MGAM2: variants seen among roughly 807,000 people sequenced by gnomAD.
MGAM2 encodes probable maltase-glucoamylase 2.
A neutral mutation model predicts 96.1 loss-of-function variants in MGAM2; 98 were observed. That is an observed-to-expected ratio of 1.02 (90% CI 0.87 to 1.21). The LOEUF (loss-of-function observed/expected upper bound fraction) is 1.21, where lower values mean the gene tolerates loss of function less well. Ranked by LOEUF, MGAM2 falls within the 50% of genes most tolerant of loss-of-function variation. The pLI, the probability that MGAM2 is intolerant of heterozygous loss-of-function variation, is 0.00. For missense variants in MGAM2, 2,055 were observed against 1,182.4 expected (o/e 1.74, Z -10.82); for synonymous variants, 749 against 414.8 (o/e 1.81, Z -9.79).
At chr7:142,204,614 T>C (rs1381017192) in intron 45 of MGAM2, among the ~76,000 whole-genome samples, 2 of 152,078 alleles carry the variant, frequency 1.3e-5, no homozygotes, top group African/African-American at 2.4e-5. Context: ...ACCTATGTTG[T>C]AATTTTATGA....
At chr7:142,119,480 G>A (rs1440152979) in intron 2 of MGAM2, among the ~76,000 whole-genome samples, 1 of 152,138 alleles carries the variant, frequency 6.6e-6, no homozygotes. Context: ...TGGTTACTTT[G>A]GAAAACTTTG....
rs1047766485 is a variant in MGAM2, at chr7:142,191,884, T to A, written c.4346+2379T>A. Among the ~76,000 whole-genome samples the A allele has an allele frequency of 5.9e-5, 9 of 152,320 alleles. No individual in the cohort carries two copies. In the East Asian group the frequency reaches 1.3e-3, roughly 23 times the overall value. ...CTTTCCACTTATTTAGATCTTTAAT[T>A]TTTTCAACAATTATTTTTAGTTTTT... is the stretch of plus-strand genomic sequence containing the variant. On this transcript the variant is annotated intron_variant, in intron 37 of 47. Transcript: ENST00000477922.
intron 37 of MGAM2, among the ~76,000 whole-genome samples, chr7:142,192,515 G>C (rs1796901239): frequency 6.6e-6 from 1 of 152,082 alleles, no homozygotes; most frequent in South Asian, 2.1e-4. Flanking sequence ...TAACTCTACT[G>C]GGATAATCCA....
intron 3 of MGAM2, among the ~76,000 whole-genome samples, chr7:142,126,541 C>T (rs1030215596): frequency 5.3e-5 from 8 of 151,730 alleles, no homozygotes; most frequent in Admixed American, 2.6e-4. Flanking sequence ...TTCATGGTCA[C>T]TGGACATTTC....
At chr7:142,194,712 GT>G in intron 37 of MGAM2, among the ~76,000 whole-genome samples, 1 of 151,994 alleles carries the variant, frequency 6.6e-6, no homozygotes, top group Non-Finnish European at 1.5e-5. Context: ...GTGTGTGTGT[GT>G]GTGTGTGTGT....
At position 142,167,496 on chromosome 7, in the gene MGAM2, A is replaced by G. The variant is rs1045651365; in HGVS notation, c.3027+10A>G. On this transcript the variant is annotated intron_variant, in intron 26 of 47. Transcript: ENST00000477922. ...CATGCTGCAGGTCAAGGTAAGGCCC[A>G]TGTTGCAGATTCTGGTTCTCAAGAT... 7.1e-6 allele frequency: 5 copies of G among 702,842 alleles called. No homozygotes were observed. The highest frequency in any genetic ancestry group is 5.2e-5 in the African/African-American group (3 of 57,260). 43.5% of individuals were successfully genotyped at this position (702,842 alleles called of 1,614,324 possible).
At chr7:142,127,412 C>T (rs1488505792) in intron 3 of MGAM2, among the ~76,000 whole-genome samples, 1 of 151,640 alleles carries the variant, frequency 6.6e-6, no homozygotes, top group African/African-American at 2.4e-5. Flanking sequence ...AAGTTTTTTT[C>T]ATAACACTTC....
At chr7:142,212,397 G>A (rs919714425) in intron 46 of MGAM2, among the ~76,000 whole-genome samples, 1 of 152,088 alleles carries the variant, frequency 6.6e-6, no homozygotes, top group Non-Finnish European at 1.5e-5. Context: ...TGATTAAAAG[G>A]CACAGACTGG....
intron 37 of MGAM2, among the ~76,000 whole-genome samples, 154 bp downstream of exon 37, chr7:142,189,659 G>A (rs1796808413): frequency 6.6e-6 from 1 of 152,204 alleles, no homozygotes. Flanking sequence ...ACCTCTGAGC[G>A]CATTTATCAA....
At chr7:142,155,820 A>G (rs556902221) in intron 17 of MGAM2, among the ~76,000 whole-genome samples, 5 of 152,238 alleles carry the variant, frequency 3.3e-5, no homozygotes, top group Non-Finnish European at 7.3e-5. Context: ...ATAAAATTAT[A>G]AGGAGAGCCA....
At position 142,207,511 on chromosome 7, in the gene MGAM2, C is replaced by T. The variant is rs145312944; in HGVS notation, c.5138-1062C>T. On this transcript the variant is annotated intron_variant, in intron 45 of 47. Transcript: ENST00000477922. Reference sequence around the variant, plus strand: ...CGCGATCTTGGCTCGCTGCAAGCTCCGCCTCCTGGGTTCACGCCATTCTCC... The same window carrying T: ...CGCGATCTTGGCTCGCTGCAAGCTCTGCCTCCTGGGTTCACGCCATTCTCC... Among the ~76,000 whole-genome samples, 1,281 of 152,016 alleles carry T rather than the reference C, an allele frequency of 8.4e-3. 83 individuals are homozygous for T. The East Asian group carries it at 0.17, about 20-fold the overall frequency.
chr7:142,157,665 C>G (rs1795775794), intron 17 of MGAM2, among the ~76,000 whole-genome samples: 1 of 152,194 alleles, frequency 6.6e-6, no homozygotes, highest in South Asian at 2.1e-4. Context: ...GCTAGGATTA[C>G]AGGTGTGAGC....
intron 46 of MGAM2, among the ~76,000 whole-genome samples, chr7:142,210,851 T>G (rs1202030583): frequency 6.6e-6 from 1 of 152,214 alleles, no homozygotes; most frequent in Non-Finnish European, 1.5e-5. Flanking sequence ...AGGGACAGAC[T>G]GCCTCCTCAA....
intron 6 of MGAM2, among the ~76,000 whole-genome samples, chr7:142,132,686 A>AATTAATAATATTAATTAATATAATTAAT (rs1218414195): frequency 7.9e-6 from 1 of 126,862 alleles, no homozygotes; most frequent in South Asian, 2.3e-4. Flanking sequence ...ATTATAATAT[A>AATTAATAATATTAATTAATATAATTAAT]ATTAATAATA....
intron 6 of MGAM2, 35 bp downstream of exon 6, chr7:142,132,120 C>G: frequency 1.4e-6 from 1 of 690,746 alleles, no homozygotes; most frequent in Admixed American, 2.1e-5. Flanking sequence ...CATCTTTGAA[C>G]ACACAGTTCT....
intron 25 of MGAM2, 145 bp from the exon 26 acceptor site, chr7:142,167,123 C>G (rs1049972846): frequency 3.5e-6 from 2 of 572,274 alleles, no homozygotes; most frequent in Non-Finnish European, 6.2e-6. Flanking sequence ...GGGGTTAGGA[C>G]TTAACATCTT....
intron 32 of MGAM2, among the ~76,000 whole-genome samples, chr7:142,178,558 A>T (rs1022308826): frequency 6.6e-6 from 1 of 152,178 alleles, no homozygotes; most frequent in Non-Finnish European, 1.5e-5. Flanking sequence ...GTCCAGTACC[A>T]TTCTCTTGCA....
chr7:142,112,457 G>A (rs994580978), intron 1 of MGAM2, among the ~76,000 whole-genome samples: 1 of 152,156 alleles, frequency 6.6e-6, no homozygotes, highest in Non-Finnish European at 1.5e-5. Flanking sequence ...CTTGCAGAAA[G>A]AGACCAATTG....
At chr7:142,159,465 T>C (rs1321711127) in intron 20 of MGAM2, 122 bp downstream of exon 20, 1 of 619,226 alleles carries the variant, frequency 1.6e-6, no homozygotes, top group Admixed American at 2.5e-5. Flanking sequence ...TTGATTGTGG[T>C]CCTTTTTCTG....
Sources: gnomAD v4.1 joint callset for allele counts (sites outside exome capture counted in the v4.1 genomes callset) on GRCh38, gnomAD v4.1.1 for gene constraint, MANE v1.5 for transcripts, NCBI Gene and HGNC (gene_info 2026-07-23, HGNC 2026-07-21) for gene names.